The following MAML2 variants were observed in gnomAD, a reference collection of about 807,000 sequenced individuals.
MAML2 encodes the protein mastermind-like protein 2.
A neutral mutation model predicts 96.1 loss-of-function variants in MAML2; 22 were observed. That is an observed-to-expected ratio of 0.23 (90% CI 0.16 to 0.33). MAML2 has a LOEUF of 0.33. Ranked by LOEUF, MAML2 falls within the 10% of genes least tolerant of loss-of-function variation. The pLI is 1.00. For synonymous variants in MAML2, 561 were observed against 521.3 expected (o/e 1.08, Z -1.04); for missense variants, 1,367 against 1,392.4 (o/e 0.98, Z 0.29).
At chr11:96,149,773 T>TTGCCTCTGTC (rs1373377222) in intron 1 of MAML2, among the ~76,000 whole-genome samples, 5 of 152,122 alleles carry the variant, frequency 3.3e-5, no homozygotes, top group African/African-American at 1.2e-4. Flanking sequence ...CTGTCTCTGT[T>TTGCCTCTGTC]TGCCTCTGTC....
chr11:96,223,811 AC>A (rs2135948923), intron 1 of MAML2, among the ~76,000 whole-genome samples: 1 of 152,308 alleles, frequency 6.6e-6, no homozygotes, highest in Admixed American at 6.5e-5. Flanking sequence ...TAGTTTAGGT[AC>A]AACACAATTG....
At position 96,093,919 on chromosome 11, in the gene MAML2, A is replaced by T. The variant is rs116867801; in HGVS notation, c.514-402T>A. ...CAACTCCTCGCAGCTACAGATGATC[A>T]GAGTGTGCACAATTTTAAGCAAGAT... On this transcript the variant is annotated intron_variant, in intron 1 of 4. Transcript: ENST00000524717. 1.4e-4 allele frequency among the ~76,000 whole-genome samples: 22 copies of T among 152,352 alleles called. No homozygotes were observed. In the East Asian group the frequency reaches 4.2e-3, roughly 29 times the overall value.
chr11:95,981,378 T>A (rs1383291903), intron 4 of MAML2, among the ~76,000 whole-genome samples: 13 of 152,158 alleles, frequency 8.5e-5, no homozygotes, highest in Admixed American at 8.5e-4. Context: ...CGAGGAAATA[T>A]TTTTGGAGGC....
At chr11:96,088,674 T>C (rs2135805976) in intron 2 of MAML2, among the ~76,000 whole-genome samples, 1 of 152,284 alleles carries the variant, frequency 6.6e-6, no homozygotes, top group East Asian at 1.9e-4. Flanking sequence ...GTTTTCCCCA[T>C]CTCTGGAGAA....
chr11:96,185,597 G>A (rs187258165), intron 1 of MAML2, among the ~76,000 whole-genome samples: 20 of 152,326 alleles, frequency 1.3e-4, no homozygotes, highest in Non-Finnish European at 2.8e-4. Flanking sequence ...GTGGGCCGCA[G>A]ACTGGCATCA....
At chr11:96,185,337 G>A (rs1282657039) in intron 1 of MAML2, among the ~76,000 whole-genome samples, 1 of 152,162 alleles carries the variant, frequency 6.6e-6, no homozygotes, top group African/African-American at 2.4e-5. Context: ...GCACAGCTGT[G>A]GGCTGACCAG....
At chr11:96,296,656 TTAAA>T (rs548304251) in intron 1 of MAML2, among the ~76,000 whole-genome samples, 9 of 151,678 alleles carry the variant, frequency 5.9e-5, no homozygotes, top group East Asian at 1.9e-4. Context: ...AAAAATAAAA[TTAAA>T]TAAATAAATA....
intron 1 of MAML2, among the ~76,000 whole-genome samples, chr11:96,261,623 T>C (rs1862751864): frequency 6.6e-6 from 1 of 152,216 alleles, no homozygotes; most frequent in Admixed American, 6.5e-5. Flanking sequence ...ATTGGAGACT[T>C]ATAGAGACTT....
chr11:96,000,608 A>G (rs1858064983), intron 2 of MAML2, among the ~76,000 whole-genome samples: 1 of 152,264 alleles, frequency 6.6e-6, no homozygotes. Context: ...ATAACTGGCA[A>G]GTTGAAAATA....
Position 96,102,275 on chromosome 11 carries a change from CAAAACA to C in MAML2, c.514-8764_514-8759del, listed in dbSNP as rs372993492. Among the ~76,000 whole-genome samples the C allele has an allele frequency of 2.9e-3, 443 of 151,680 alleles. 5 individuals are homozygous for C. The highest frequency in any genetic ancestry group is 0.01 in the African/African-American group (415 of 41,364). The stretch of plus-strand genomic sequence containing the variant: ...TGGGTGACAGAGAGAGACTCTGTCT[CAAAACA>C]AAAACAAAAACAACAACAACAAAAA... On this transcript the variant is annotated intron_variant, in intron 1 of 4. Transcript: ENST00000524717.
At chr11:96,160,140 T>A (rs1861081085) in intron 1 of MAML2, among the ~76,000 whole-genome samples, 1 of 152,168 alleles carries the variant, frequency 6.6e-6, no homozygotes, top group African/African-American at 2.4e-5. Context: ...GCAGAAGAGA[T>A]GTGTCTTGTG....
intron 2 of MAML2, among the ~76,000 whole-genome samples, chr11:96,078,812 A>T (rs1231439939): frequency 1.3e-5 from 2 of 152,206 alleles, no homozygotes; most frequent in African/African-American, 4.8e-5. Context: ...AAAAGTAATG[A>T]TTCTACCTTC....
chr11:96,121,620 T>C (rs1367455590), intron 1 of MAML2, among the ~76,000 whole-genome samples: 2 of 151,750 alleles, frequency 1.3e-5, no homozygotes, highest in Admixed American at 6.6e-5. Context: ...TAATATAAAA[T>C]TGTTCTGATT....
intron 2 of MAML2, among the ~76,000 whole-genome samples, chr11:96,023,605 C>T (rs953289085): frequency 3.3e-5 from 5 of 151,902 alleles, no homozygotes; most frequent in Admixed American, 6.6e-5. Context: ...CATCTGTGGG[C>T]GTGGGATCTA....
chr11:96,173,936 G>A (rs1269029689), intron 1 of MAML2, among the ~76,000 whole-genome samples: 1 of 152,198 alleles, frequency 6.6e-6, no homozygotes, highest in Non-Finnish European at 1.5e-5. Flanking sequence ...TTCAGGACAA[G>A]GGGACAGCAG....
At chr11:96,013,254 A>T (rs1171241858) in intron 2 of MAML2, among the ~76,000 whole-genome samples, 1 of 152,368 alleles carries the variant, frequency 6.6e-6, no homozygotes, top group East Asian at 1.9e-4. Flanking sequence ...ACAAAATGAG[A>T]TAACCCTAAG....
At chr11:96,148,091 G>C (rs955386312) in intron 1 of MAML2, among the ~76,000 whole-genome samples, 2 of 152,118 alleles carry the variant, frequency 1.3e-5, no homozygotes, top group African/African-American at 4.8e-5. Context: ...GCGTATACAC[G>C]ACGAGCACAC....
chr11:96,199,052 G>A, intron 1 of MAML2, among the ~76,000 whole-genome samples: 1 of 151,952 alleles, frequency 6.6e-6, no homozygotes, highest in Non-Finnish European at 1.5e-5. Context: ...AAAAAAATTA[G>A]CCGGGCATGC....
intron 1 of MAML2, among the ~76,000 whole-genome samples, chr11:96,117,322 G>T (rs1051217508): frequency 6.6e-6 from 1 of 150,748 alleles, no homozygotes; most frequent in Non-Finnish European, 1.5e-5. Context: ...TTGAGACAGG[G>T]TCTCGCTCTG....
Sources: allele counts gnomAD v4.1 joint callset (sites outside exome capture counted in the v4.1 genomes callset), GRCh38; gene constraint gnomAD v4.1.1; transcripts MANE v1.5; gene names NCBI Gene and HGNC (gene_info 2026-07-23, HGNC 2026-07-21).